The following MYO18B variants were observed in gnomAD, a reference collection of about 807,000 sequenced individuals.
MYO18B encodes the protein myosin XVIIIB.
Under a neutral mutation model 273.0 loss-of-function variants are expected in MYO18B, and 204 were observed. That is an observed-to-expected ratio of 0.75 (90% CI 0.67 to 0.84). The LOEUF (loss-of-function observed/expected upper bound fraction) is 0.84, where lower values mean the gene tolerates loss of function less well. Ranked by LOEUF, MYO18B falls within the 40% of genes least tolerant of loss-of-function variation. MYO18B has a pLI of 0.00. For synonymous variants in MYO18B, 1,330 were observed against 1,305.7 expected, an observed-to-expected ratio of 1.02 and a Z score of -0.40; for missense variants, 3,212 against 3,287.6, an observed-to-expected ratio of 0.98 and a Z score of 0.56.
chr22:25,948,504 T>TTC, intron 36 of MYO18B, among the ~76,000 whole-genome samples: 4 of 33,176 alleles, frequency 1.2e-4, no homozygotes, highest in African/African-American at 3.0e-4. Flanking sequence ...TTCTTTCCTC[T>TTC]CTTTTCTCTT....
intron 34 of MYO18B, among the ~76,000 whole-genome samples, chr22:25,922,343 C>T (rs548402486): frequency 2.0e-4 from 31 of 151,996 alleles, no homozygotes; most frequent in Non-Finnish European, 3.4e-4. Flanking sequence ...TGAGTGTGGG[C>T]GGTTGCGGTG....
rs372977526 is a variant in MYO18B at position 26,026,566 on chromosome 22, C to T, written c.6592C>T (p.Arg2198Cys). ...GDKPVSPHFV[R>C]RQKYCHFGDG... ...CAAGCCTGTTTCTCCCCACTTTGTC[C>T]GCCGGCAAAAGTACTGTCATTTTGG... Residue 2198 changes from arginine (R) to cysteine (C), a missense_variant, in exon 43 of 44, where the codon CGC becomes TGC. Arg to Cys is a radical substitution (Grantham distance 180). Coordinates refer to ENST00000335473, the MANE Select transcript of MYO18B (RefSeq NM_032608.7). The T allele has an allele frequency of 4.8e-5, 78 of 1,613,762 alleles. No individual in the cohort carries two copies. Among genetic ancestry groups the T allele is most frequent in the African/African-American group, 1.2e-4 (9 of 74,900 alleles).
intron 32 of MYO18B, among the ~76,000 whole-genome samples, chr22:25,909,882 A>G (rs2092121989): frequency 6.6e-6 from 1 of 152,136 alleles, no homozygotes; most frequent in Non-Finnish European, 1.5e-5. Context: ...AGAGGACACT[A>G]ACTCCTCTAA....
chr22:26,008,961 C>T (rs778267359), intron 42 of MYO18B, among the ~76,000 whole-genome samples: 2 of 152,198 alleles, frequency 1.3e-5, no homozygotes, highest in Non-Finnish European at 2.9e-5. Flanking sequence ...AAAACCCTAG[C>T]CATGGTCACT....
the MYO18B span, among the ~76,000 whole-genome samples, chr22:26,056,021 T>C: frequency 6.6e-6 from 1 of 151,938 alleles, no homozygotes; most frequent in South Asian, 2.1e-4. Context: ...AAAAAAAAAG[T>C]GCCTATGTAT....
At chr22:25,897,678 AT>A (rs1366946070) in intron 28 of MYO18B, 1 of 152,182 alleles carries the variant, frequency 6.6e-6, no homozygotes, top group African/African-American at 2.4e-5. Flanking sequence ...ATTTAAAGCA[AT>A]TTTTTAATGA....
At chr22:25,891,047 G>A (rs1403152828) in intron 26 of MYO18B, among the ~76,000 whole-genome samples, 172 bp downstream of exon 26, 1 of 152,180 alleles carries the variant, frequency 6.6e-6, no homozygotes, top group Non-Finnish European at 1.5e-5. Context: ...CTTGGCCTTG[G>A]GGGTGTTATG....
chr22:25,898,564 C>T (rs2091862973), intron 29 of MYO18B, 103 bp downstream of exon 29: 2 of 1,275,604 alleles, frequency 1.6e-6, no homozygotes, highest in East Asian at 4.6e-5. Flanking sequence ...CACTTCAACT[C>T]CCTTGTTTTG....
chr22:25,876,321 C>T lies in MYO18B; in HGVS notation c.4213C>T (p.Arg1405Ter), dbSNP rs949998454. 1.2e-5 allele frequency: 20 copies of T among 1,610,840 alleles called. No homozygotes were observed. Among genetic ancestry groups the T allele is most frequent in the Admixed American group, 1.7e-5 (1 of 59,728 alleles). The change falls in exon 24 of 44, where the codon CGA (arginine) becomes TGA (stop). Residue 1405 changes from arginine to a stop codon, truncating the protein, a stop_gained. Transcript: ENST00000335473. LOFTEE classifies it high-confidence loss of function. ...TGCCACCATTGGAACTGAGCAGCTC[C>T]GAGCCAAGGAGGTCAGTCTATGTGG... is the stretch of plus-strand genomic sequence containing the variant. ...LSATIGTEQL[R>*]AKEEELTTLR... is the part of the protein sequence containing the mutation.
chr22:25,869,405 G>A (rs924188834), intron 22 of MYO18B, among the ~76,000 whole-genome samples: 22 of 138,806 alleles, frequency 1.6e-4, no homozygotes, highest in Non-Finnish European at 2.4e-4. Flanking sequence ...AGCTGAGATC[G>A]TGCCACTGTA....
intron 9 of MYO18B, among the ~76,000 whole-genome samples, chr22:25,780,882 C>T (rs5761174): frequency 0.37 from 56,961 of 151,986 alleles, 10,794 homozygotes; most frequent in African/African-American, 0.42. Flanking sequence ...CAGCAGTCCG[C>T]GTGTGACGAA....
In MYO18B at chr22:26,027,610, A is replaced by G. The variant is rs1161519653; in HGVS notation, c.7636A>G (p.Arg2546Gly). 1.2e-6 allele frequency: 2 copies of G among 1,613,800 alleles called. No individual in the cohort carries two copies. Among genetic ancestry groups the G allele is most frequent in the East Asian group, 4.5e-5 (2 of 44,878 alleles). The change falls in exon 43 of 44, where the codon AGA becomes GGA. Residue 2546 changes from arginine to glycine, a missense_variant. Arg to Gly is a moderately radical substitution (Grantham distance 125). Transcript: ENST00000335473. The surrounding 1 kb of genome is among the most constrained non-coding windows in gnomAD (Gnocchi z 4.1). ...DGGERTSPER[R>G]EPGTGRKDDD... ...TGGCGAGCGAACGTCCCCCGAGCGG[A>G]GAGAGCCAGGGACGGGGAGGAAAGA...
chr22:25,788,286 G>C (rs1323130038), intron 11 of MYO18B, among the ~76,000 whole-genome samples: 3 of 152,194 alleles, frequency 2.0e-5, no homozygotes, highest in Non-Finnish European at 4.4e-5. Context: ...GGGCAGGCCA[G>C]GTACAGCTTC....
At chr22:25,777,818 C>A in intron 8 of MYO18B, 37 bp downstream of exon 8, 1 of 1,537,074 alleles carries the variant, frequency 6.5e-7, no homozygotes, top group South Asian at 1.3e-5. Flanking sequence ...GAGTTGGGGT[C>A]AGCACGGGGA....
intron 12 of MYO18B, among the ~76,000 whole-genome samples, chr22:25,813,715 A>G (rs2088869665): frequency 6.6e-6 from 1 of 152,144 alleles, no homozygotes; most frequent in Non-Finnish European, 1.5e-5. Context: ...GCATCAGCCT[A>G]AGGGCCCCTG....
intron 25 of MYO18B, among the ~76,000 whole-genome samples, chr22:25,884,336 C>A (rs971501079): frequency 1.3e-5 from 2 of 152,218 alleles, no homozygotes; most frequent in African/African-American, 4.8e-5. Flanking sequence ...TCTCCTGACT[C>A]CTCGCTCCAT....
chr22:25,916,517 T>C (rs2092263034), intron 33 of MYO18B, among the ~76,000 whole-genome samples: 1 of 152,204 alleles, frequency 6.6e-6, no homozygotes, highest in African/African-American at 2.4e-5. Context: ...ATCTACTAAG[T>C]GTCTTGTTGT....
intron 24 of MYO18B, 113 bp from the exon 25 acceptor site, chr22:25,877,846 T>G: frequency 1.4e-6 from 1 of 714,568 alleles, no homozygotes; most frequent in Non-Finnish European, 2.4e-6. Context: ...TGCAATAGAT[T>G]GCTAAGGTTT....
chr22:25,835,506 C>T (rs1368141132), intron 17 of MYO18B, 63 bp downstream of exon 17: 2 of 1,600,310 alleles, frequency 1.2e-6, no homozygotes, highest in Non-Finnish European at 1.7e-6. Flanking sequence ...ATCTGTTCTT[C>T]TCTGCTGCAG....
Sources: gnomAD v4.1 joint callset for allele counts (sites outside exome capture counted in the v4.1 genomes callset) on GRCh38, gnomAD v4.1.1 for gene constraint, Gnocchi (gnomAD v3.1) non-coding constraint, MANE v1.5 for transcripts, NCBI Gene and HGNC (gene_info 2026-07-23, HGNC 2026-07-21) for gene names.